Variants in MALRD1 observed in about 807,000 individuals in gnomAD.
The protein encoded by MALRD1 is MAM and LDL-receptor class A domain-containing protein 1.
In MALRD1, 247 loss-of-function variants were observed where a neutral mutation model predicts 242.1. The observed-to-expected ratio is 1.02, with a 90% CI of 0.92 to 1.13. MALRD1 has a LOEUF of 1.13. MALRD1 is among the 50% of genes most tolerant of loss of function. MALRD1 has a pLI of 0.00. For synonymous variants in MALRD1, 995 were observed against 866.6 expected (o/e 1.15, Z -2.60); for missense variants, 2,989 against 2,533.1 (o/e 1.18, Z -3.86).
intron 26 of MALRD1, among the ~76,000 whole-genome samples, chr10:19,375,182 C>T (rs907541368): frequency 1.3e-5 from 2 of 152,136 alleles, no homozygotes; most frequent in African/African-American, 4.8e-5. Flanking sequence ...AGTTGAGAAT[C>T]TGATAAAATT....
At chr10:19,574,690 C>T (rs1003420637) in intron 33 of MALRD1, among the ~76,000 whole-genome samples, 35 of 152,026 alleles carry the variant, frequency 2.3e-4, no homozygotes, top group African/African-American at 7.7e-4. Context: ...GTTATGTCAC[C>T]GGGGAAGTGA....
chr10:19,444,323 T>C (rs1834839401), intron 28 of MALRD1, among the ~76,000 whole-genome samples: 1 of 152,216 alleles, frequency 6.6e-6, no homozygotes, highest in African/African-American at 2.4e-5. Context: ...AGGTTAATAT[T>C]GTTATGTGTG....
chr10:19,666,697 AG>A (rs1288040569), intron 36 of MALRD1, among the ~76,000 whole-genome samples: 21 of 152,236 alleles, frequency 1.4e-4, no homozygotes, highest in Non-Finnish European at 2.6e-4. Context: ...TAACTGCATT[AG>A]AGCAGCTAAA....
chr10:19,176,560 G>C lies in MALRD1; in HGVS notation c.1951+1232G>C, dbSNP rs545123607. Among the ~76,000 whole-genome samples the C allele has an allele frequency of 3.3e-5, 5 of 149,958 alleles. No individual in the cohort carries two copies. In the South Asian group the frequency reaches 1.1e-3, roughly 32 times the overall value. Reference sequence around the variant, plus strand: ...CGGCTAATTTTTTGTATTTTTAGTAGAGACGGGGTTTCACCTTGTTAGCCA... The same window carrying C: ...CGGCTAATTTTTTGTATTTTTAGTACAGACGGGGTTTCACCTTGTTAGCCA... On this transcript the variant is annotated intron_variant, in intron 14 of 39. Transcript: ENST00000454679.
At chr10:19,230,720 C>T (rs1043729042) in intron 18 of MALRD1, among the ~76,000 whole-genome samples, 1 of 152,096 alleles carries the variant, frequency 6.6e-6, no homozygotes, top group Admixed American at 6.6e-5. Context: ...GTTAGCTTCC[C>T]TCCTCTATGC....
At chr10:19,107,926 A>G (rs973842945) in intron 5 of MALRD1, among the ~76,000 whole-genome samples, 1 of 151,944 alleles carries the variant, frequency 6.6e-6, no homozygotes, top group Admixed American at 6.6e-5. Flanking sequence ...TCCTCCCACA[A>G]TTTGTCTTTG....
intron 29 of MALRD1, among the ~76,000 whole-genome samples, chr10:19,487,187 CTTTCA>C (rs1333246849): frequency 6.6e-6 from 1 of 152,032 alleles, no homozygotes; most frequent in Non-Finnish European, 1.5e-5. Context: ...TGTGAGATAT[CTTTCA>C]TTTCATGTAT....
At chr10:19,694,476 T>A (rs1011382561) in intron 38 of MALRD1, among the ~76,000 whole-genome samples, 19 of 152,212 alleles carry the variant, frequency 1.2e-4, no homozygotes, top group African/African-American at 4.1e-4. Flanking sequence ...GAAAAAATGC[T>A]CATCATCACT....
chr10:19,706,746 A>T (rs1471269276), intron 38 of MALRD1, among the ~76,000 whole-genome samples: 1 of 152,194 alleles, frequency 6.6e-6, no homozygotes, highest in African/African-American at 2.4e-5. Flanking sequence ...ACAGAGAAGG[A>T]TAGCAGTTGG....
intron 32 of MALRD1, among the ~76,000 whole-genome samples, chr10:19,553,416 T>C (rs1456979804): frequency 6.6e-6 from 1 of 152,194 alleles, no homozygotes; most frequent in Non-Finnish European, 1.5e-5. Context: ...ATAACCAATA[T>C]GTCAGAATAT....
intron 8 of MALRD1, among the ~76,000 whole-genome samples, chr10:19,129,928 T>C (rs1588587973): frequency 1.4e-5 from 2 of 148,016 alleles, no homozygotes; most frequent in East Asian, 4.1e-4. Context: ...TCTGTAGATA[T>C]GTGGATGTGA....
At chr10:19,707,267 G>T (rs958118502) in intron 38 of MALRD1, among the ~76,000 whole-genome samples, 2 of 151,170 alleles carry the variant, frequency 1.3e-5, no homozygotes, top group African/African-American at 4.9e-5. Flanking sequence ...GCTTAAGGTG[G>T]TAACAGGCCT....
At chr10:19,588,079 G>T (rs2131535328) in intron 33 of MALRD1, among the ~76,000 whole-genome samples, 2 of 152,140 alleles carry the variant, frequency 1.3e-5, no homozygotes, top group African/African-American at 4.8e-5. Context: ...GTAAAGACCT[G>T]TAGGATGCAT....
intron 18 of MALRD1, among the ~76,000 whole-genome samples, chr10:19,214,596 G>A (rs186542709): frequency 4.6e-5 from 7 of 151,804 alleles, no homozygotes; most frequent in African/African-American, 1.4e-4. Context: ...ACTTCAGAAA[G>A]TTTGTGGAAA....
chr10:19,065,337 C>T (rs942170577), intron 1 of MALRD1, among the ~76,000 whole-genome samples: 4 of 140,388 alleles, frequency 2.8e-5, no homozygotes, highest in East Asian at 2.2e-4. Context: ...AGAAAGCAAG[C>T]GAGAAAGAAA....
chr10:19,491,657 T>G lies in MALRD1; in HGVS notation c.5158+12T>G. On this transcript the variant is annotated intron_variant, in intron 30 of 39. Coordinates refer to ENST00000454679, the MANE Select transcript of MALRD1 (RefSeq NM_001142308.3). ...TGAAGCTCACTGTGGTAAGTTTATC[T>G]ATCTGCTGTATGGCAGCCAGTTCAG... The G allele has an allele frequency of 6.5e-7, 1 of 1,547,194 alleles. No homozygotes were observed. The highest frequency in any genetic ancestry group is 8.7e-7 in the Non-Finnish European group (1 of 1,145,704).
At chr10:19,287,145 G>T (rs1215816755) in intron 21 of MALRD1, among the ~76,000 whole-genome samples, 1 of 152,060 alleles carries the variant, frequency 6.6e-6, no homozygotes, top group Non-Finnish European at 1.5e-5. Flanking sequence ...AAAGAGAATT[G>T]ACAGTCATAA....
chr10:19,665,998 G>A (rs1409747195), intron 36 of MALRD1, among the ~76,000 whole-genome samples: 1 of 151,870 alleles, frequency 6.6e-6, no homozygotes, highest in East Asian at 1.9e-4. Flanking sequence ...AAGTCAAATG[G>A]TCGGAATTCA....
chr10:19,642,442 A>G (rs541843995), intron 36 of MALRD1, among the ~76,000 whole-genome samples: 1 of 152,222 alleles, frequency 6.6e-6, no homozygotes, highest in Non-Finnish European at 1.5e-5. Context: ...GTCTGCCTGC[A>G]TAGTTGACCC....
Sources: allele counts gnomAD v4.1 joint callset (sites outside exome capture counted in the v4.1 genomes callset), GRCh38; gene constraint gnomAD v4.1.1; transcripts MANE v1.5; gene names NCBI Gene and HGNC (gene_info 2026-07-23, HGNC 2026-07-21).